Variants in KCNN2 observed in about 807,000 individuals in gnomAD.
The protein encoded by KCNN2 is small conductance calcium-activated potassium channel protein 2.
In KCNN2, 24 loss-of-function variants were observed where a neutral mutation model predicts 55.5. The observed-to-expected ratio is 0.43, with a 90% confidence interval of 0.31 to 0.61. KCNN2 has a LOEUF of 0.61. KCNN2 is among the 20% of genes least tolerant of loss of function. The pLI is 0.08. For synonymous variants in KCNN2, 431 were observed against 336.1 expected (o/e 1.28, Z -3.09); for missense variants, 754 against 853.6 (o/e 0.88, Z 1.45).
intron 6 of KCNN2, among the ~76,000 whole-genome samples, chr5:114,493,019 T>C (rs775208478): frequency 2.0e-5 from 3 of 152,170 alleles, no homozygotes; most frequent in Non-Finnish European, 4.4e-5. Context: ...AGGTGCTCAT[T>C]GCTCCAACAT....
At chr5:114,163,300 T>G (rs1402296472) in intron 1 of KCNN2, among the ~76,000 whole-genome samples, 2 of 152,200 alleles carry the variant, frequency 1.3e-5, no homozygotes, top group East Asian at 1.9e-4. Flanking sequence ...CTTGCCTGAT[T>G]GCCCTGGCCG....
At position 114,198,224 on chromosome 5, in the gene KCNN2, C is replaced by G. The variant is rs78670368; in HGVS notation, c.-270-23256C>G. On this transcript the variant is annotated intron_variant, in intron 1 of 10. Coordinates refer to the KCNN2 transcript ENST00000512097. Reference sequence around the variant, plus strand: ...ATATCTTAGATAACACTTTAACCTGCTCTGGCTCCTATATAATATTTATGG... The same window carrying G: ...ATATCTTAGATAACACTTTAACCTGGTCTGGCTCCTATATAATATTTATGG... Among the ~76,000 whole-genome samples, 700 of 151,496 alleles carry G rather than the reference C, an allele frequency of 4.6e-3. 2 individuals carry two copies. Among genetic ancestry groups the G allele is most frequent in the African/African-American group, 0.015 (636 of 41,328 alleles).
chr5:114,079,318 G>A (rs1750750579), intron 1 of KCNN2, among the ~76,000 whole-genome samples: 1 of 152,000 alleles, frequency 6.6e-6, no homozygotes, highest in African/African-American at 2.4e-5. Context: ...AAGCAGGCAA[G>A]CAACAAATAT....
At chr5:114,414,627 A>T (rs1561616508) in intron 3 of KCNN2, among the ~76,000 whole-genome samples, 1 of 152,304 alleles carries the variant, frequency 6.6e-6, no homozygotes, top group East Asian at 1.9e-4. Flanking sequence ...AAGGATACTA[A>T]AAAAGGCCCA....
intron 2 of KCNN2, among the ~76,000 whole-genome samples, chr5:114,387,785 C>G (rs1297038803): frequency 3.3e-5 from 5 of 152,206 alleles, no homozygotes; most frequent in Admixed American, 3.3e-4. Flanking sequence ...ACTAGACTCT[C>G]TGACATTTCA....
chr5:114,113,525 A>T (rs1177696489), intron 1 of KCNN2, among the ~76,000 whole-genome samples: 1 of 152,086 alleles, frequency 6.6e-6, no homozygotes, highest in Non-Finnish European at 1.5e-5. Context: ...AAAGGCAAAA[A>T]AATTTTATCT....
At chr5:114,111,489 A>G (rs924976346) in intron 1 of KCNN2, among the ~76,000 whole-genome samples, 2 of 152,362 alleles carry the variant, frequency 1.3e-5, no homozygotes, top group African/African-American at 4.8e-5. Context: ...ATGGGATCTA[A>G]TTAAACTAAA....
intron 1 of KCNN2, among the ~76,000 whole-genome samples, chr5:114,117,726 C>G (rs1313173241): frequency 6.6e-6 from 1 of 152,100 alleles, no homozygotes; most frequent in East Asian, 1.9e-4. Flanking sequence ...ACTGCATGAC[C>G]CAATACAGAA....
chr5:114,202,648 G>A (rs562324990), intron 1 of KCNN2, among the ~76,000 whole-genome samples: 8 of 145,854 alleles, frequency 5.5e-5, no homozygotes, highest in Admixed American at 2.1e-4. Context: ...GTGCAGTGGC[G>A]CGATCTCGGC....
At chr5:114,484,276 T>G (rs898935116) in intron 5 of KCNN2, among the ~76,000 whole-genome samples, 2 of 152,048 alleles carry the variant, frequency 1.3e-5, no homozygotes, top group African/African-American at 4.8e-5. Context: ...TAGATGGTTA[T>G]ATGGCAGGGT....
chr5:114,409,719 A>T (rs1759068415), intron 3 of KCNN2, among the ~76,000 whole-genome samples: 1 of 152,222 alleles, frequency 6.6e-6, no homozygotes, highest in African/African-American at 2.4e-5. Context: ...TCCTTCTAGG[A>T]GCACAAGATT....
intron 1 of KCNN2, among the ~76,000 whole-genome samples, chr5:114,076,576 C>A (rs946504432): frequency 6.6e-6 from 1 of 152,242 alleles, no homozygotes; most frequent in Admixed American, 6.5e-5. Context: ...AGAACAGAAT[C>A]TCCTCACTCC....
intron 1 of KCNN2, among the ~76,000 whole-genome samples, chr5:114,082,338 AG>A (rs1283709577): frequency 3.7e-4 from 56 of 152,074 alleles, no homozygotes; most frequent in Non-Finnish European, 6.5e-4. Flanking sequence ...AAAAAAAAAA[AG>A]AAAAAGATGC....
At chr5:114,378,271 A>G (rs1387986324) in intron 2 of KCNN2, among the ~76,000 whole-genome samples, 2 of 152,214 alleles carry the variant, frequency 1.3e-5, no homozygotes, top group Non-Finnish European at 2.9e-5. Context: ...AGTAGTTGCA[A>G]CAGAGGCCAT....
chr5:114,409,262 A>G (rs979110870), intron 3 of KCNN2, among the ~76,000 whole-genome samples: 2 of 152,206 alleles, frequency 1.3e-5, no homozygotes, highest in African/African-American at 4.8e-5. Flanking sequence ...GATTTTCCAC[A>G]TTTGGTTTTT....
intron 1 of KCNN2, among the ~76,000 whole-genome samples, chr5:114,148,726 A>G (rs1231334428): frequency 6.6e-6 from 1 of 152,130 alleles, no homozygotes; most frequent in Non-Finnish European, 1.5e-5. Context: ...AAGAGTTAAC[A>G]TATACAGGTT....
chr5:114,189,134 G>GTGTGTGTGTA (rs1491271583), intron 1 of KCNN2, among the ~76,000 whole-genome samples: 1 of 8,578 alleles, frequency 1.2e-4, no homozygotes, highest in Non-Finnish European at 2.4e-4. Flanking sequence ...AGAACCAATA[G>GTGTGTGTGTA]TGTGTGTGTG....
In KCNN2 at chr5:114,439,633, G is replaced by A. The variant is rs181259878; in HGVS notation, c.1638-23416G>A. On this transcript the variant is annotated intron_variant, in intron 3 of 7. Transcript: ENST00000673685. Reference sequence around the variant, plus strand: ...TGGGTGATTCTAATGCACCGCCAAGGTTAAGAACCATAGCACCAAATTGAT... The same window carrying A: ...TGGGTGATTCTAATGCACCGCCAAGATTAAGAACCATAGCACCAAATTGAT... Among the ~76,000 whole-genome samples, 604 of 152,230 alleles carry A rather than the reference G, an allele frequency of 4.0e-3. 3 individuals carry two copies. Among genetic ancestry groups the A allele is most frequent in the Middle Eastern group, 0.01 (3 of 294 alleles).
At chr5:114,306,530 A>T (rs1228727549) in intron 2 of KCNN2, among the ~76,000 whole-genome samples, 1 of 152,160 alleles carries the variant, frequency 6.6e-6, no homozygotes, top group African/African-American at 2.4e-5. Flanking sequence ...CTGGTCAGAG[A>T]ACAAAAGTAA....
Sources: gnomAD v4.1 joint callset for allele counts (sites outside exome capture counted in the v4.1 genomes callset) on GRCh38, gnomAD v4.1.1 for gene constraint, MANE v1.5 for transcripts, NCBI Gene and HGNC (gene_info 2026-07-23, HGNC 2026-07-21) for gene names.